The following AFAP1L2 variants were observed in gnomAD, a reference collection of about 807,000 sequenced individuals.
The protein encoded by AFAP1L2 is actin filament associated protein 1 like 2.
A neutral mutation model predicts 99.3 loss-of-function variants in AFAP1L2; 46 were observed. That is an observed-to-expected ratio of 0.46 (90% CI 0.37 to 0.59). The LOEUF (loss-of-function observed/expected upper bound fraction) is 0.59, where lower values mean the gene tolerates loss of function less well. AFAP1L2 is among the 20% of genes least tolerant of loss of function. The probability of loss-of-function intolerance (pLI) is 0.00; values close to 1 mark genes in which losing one functional copy is unlikely to be tolerated. For missense variants in AFAP1L2, 959 were observed against 1,034.9 expected (o/e 0.93, Z 1.01); for synonymous variants, 397 against 419.1 (o/e 0.95, Z 0.64).
chr10:114,301,606 A>G (rs2041209290), intron 12 of AFAP1L2, 141 bp from the exon 13 acceptor site: 3 of 643,590 alleles, frequency 4.7e-6, no homozygotes, highest in Non-Finnish European at 8.5e-6. Flanking sequence ...ACTCACCTCC[A>G]TGGATCTGAG....
intron 6 of AFAP1L2, among the ~76,000 whole-genome samples, chr10:114,314,634 G>T (rs1039377501): frequency 2.6e-5 from 4 of 152,166 alleles, no homozygotes; most frequent in African/African-American, 9.7e-5. Context: ...CACGGAGCAG[G>T]GCCTGTTGTA....
At chr10:114,359,281 T>C (rs2051860362) in intron 1 of AFAP1L2, among the ~76,000 whole-genome samples, 1 of 152,230 alleles carries the variant, frequency 6.6e-6, no homozygotes, top group Non-Finnish European at 1.5e-5. Flanking sequence ...ACCATAACAA[T>C]GTTATAATTG....
intron 4 of AFAP1L2, among the ~76,000 whole-genome samples, chr10:114,324,866 G>T: frequency 6.6e-6 from 1 of 152,202 alleles, no homozygotes; most frequent in Non-Finnish European, 1.5e-5. Context: ...CTCCTGCCAT[G>T]AAAAATGGAT....
At position 114,295,763 on chromosome 10, in the gene AFAP1L2, T is replaced by A; in HGVS notation, c.*279A>T. The A allele has an allele frequency of 8.5e-7, 1 of 1,171,928 alleles. No homozygotes were observed. Among genetic ancestry groups the A allele is most frequent in the Non-Finnish European group, 1.1e-6 (1 of 947,912 alleles). 72.6% of individuals were successfully genotyped at this position (1,171,928 alleles called of 1,614,324 possible). On this transcript the variant is annotated 3_prime_UTR_variant, in exon 19 of 19. Coordinates refer to ENST00000304129, the MANE Select transcript of AFAP1L2 (RefSeq NM_001001936.3). ...TCTTAGTAAAGCAATTGATGACAAC[T>A]TCAAAAAAGAAAGAAACACAGAACA... is the stretch of plus-strand genomic sequence containing the variant.
intron 1 of AFAP1L2, among the ~76,000 whole-genome samples, chr10:114,353,359 G>A (rs975244598): frequency 2.6e-5 from 4 of 152,174 alleles, no homozygotes; most frequent in African/African-American, 9.7e-5. Context: ...GTAATATGTG[G>A]CCAAAGCACC....
intron 3 of AFAP1L2, 112 bp from the exon 4 acceptor site, chr10:114,332,009 T>C: frequency 3.0e-6 from 2 of 659,432 alleles, no homozygotes; most frequent in Non-Finnish European, 4.4e-6. Context: ...TTTGAGCAGG[T>C]GTTAATTACC....
In AFAP1L2 at chr10:114,295,338, G is replaced by A. The variant is rs2040040270; in HGVS notation, c.*704C>T. On this transcript the variant is annotated 3_prime_UTR_variant, in exon 19 of 19. Transcript: ENST00000304129. ...AGCATTTTTTCCTATATATAATACA[G>A]CATCACTTAAAATTTTATTTAAAGA... 1 of 985,014 alleles carries A rather than the reference G, an allele frequency of 1.0e-6. No homozygotes were observed. The highest frequency in any genetic ancestry group is 6.2e-5 in the Admixed American group (1 of 16,250). 61.0% of individuals were successfully genotyped at this position (985,014 alleles called of 1,614,324 possible). A position where few individuals can be genotyped will look rare whatever the true frequency, so the allele number is the denominator to read the frequency against.
intron 2 of AFAP1L2, among the ~76,000 whole-genome samples, chr10:114,333,765 C>T (rs188516182): frequency 1.1e-4 from 16 of 152,146 alleles, no homozygotes; most frequent in South Asian, 2.1e-4. Context: ...GAGCTGAGAT[C>T]GCACCACTGC....
chr10:114,301,837 C>A (rs1484881794), intron 12 of AFAP1L2: 6 of 297,474 alleles, frequency 2.0e-5, no homozygotes, highest in Non-Finnish European at 3.2e-5. Flanking sequence ...GCAGGCCAGA[C>A]ACTATCCCCG....
chr10:114,325,409 G>A (rs962765788), intron 4 of AFAP1L2, among the ~76,000 whole-genome samples: 2 of 152,196 alleles, frequency 1.3e-5, no homozygotes, highest in Admixed American at 6.5e-5. Flanking sequence ...TCGGGGCATC[G>A]CAGAGGGTTG....
the AFAP1L2 span, chr10:114,284,964 A>G: frequency 1.3e-6 from 2 of 1,597,346 alleles, no homozygotes; most frequent in East Asian, 4.6e-5. Flanking sequence ...AGGGGAGGCT[A>G]ACTGTGGTAG....
Position 114,384,835 on chromosome 10 carries a change from G to A in AFAP1L2, c.16+19605C>T, listed in dbSNP as rs996376659. Among the ~76,000 whole-genome samples the A allele has an allele frequency of 2.0e-5, 3 of 152,214 alleles. No individual in the cohort carries two copies. The East Asian group carries it at 5.8e-4, about 29-fold the overall frequency. ...AGTGCGGGGCCCACACACTCAGTGG[G>A]GACTTCCAAAGGCTCCAGGCCTGGT... is the stretch of plus-strand genomic sequence containing the variant. On this transcript the variant is annotated intron_variant, in intron 1 of 18. Coordinates refer to ENST00000304129, the MANE Select transcript of AFAP1L2 (RefSeq NM_001001936.3).
intron 7 of AFAP1L2, among the ~76,000 whole-genome samples, chr10:114,313,085 G>A (rs12248421): frequency 0.081 from 12,285 of 151,330 alleles, 1,200 homozygotes; most frequent in African/African-American, 0.23. Flanking sequence ...TGGATAGAAC[G>A]CTTCTGGGCT....
chr10:114,349,534 A>G (rs1429043148), intron 1 of AFAP1L2, among the ~76,000 whole-genome samples: 1 of 147,462 alleles, frequency 6.8e-6, no homozygotes, highest in African/African-American at 2.5e-5. Flanking sequence ...CCTGGGCAAC[A>G]TAATGAGAGC....
intron 8 of AFAP1L2, among the ~76,000 whole-genome samples, 158 bp from the exon 9 acceptor site, chr10:114,308,675 G>A (rs2042777770): frequency 1.3e-5 from 2 of 152,246 alleles, no homozygotes; most frequent in African/African-American, 4.8e-5. Flanking sequence ...CCAGGTCACT[G>A]GTAGGACATT....
At chr10:114,391,763 C>T (rs752773969) in intron 1 of AFAP1L2, among the ~76,000 whole-genome samples, 1 of 152,176 alleles carries the variant, frequency 6.6e-6, no homozygotes, top group Non-Finnish European at 1.5e-5. Flanking sequence ...TACCAGGCAG[C>T]CCTGAAGCAT....
chr10:114,376,618 A>G (rs1331072777), intron 1 of AFAP1L2, among the ~76,000 whole-genome samples: 1 of 152,242 alleles, frequency 6.6e-6, no homozygotes, highest in East Asian at 1.9e-4. Context: ...CACTTGGAGG[A>G]GAATTCCAGC....
In AFAP1L2 at chr10:114,384,895, T is replaced by C. The variant is rs145682499; in HGVS notation, c.16+19545A>G. On this transcript the variant is annotated intron_variant, in intron 1 of 18. Coordinates refer to ENST00000304129, the MANE Select transcript of AFAP1L2 (RefSeq NM_001001936.3). Reference sequence around the variant, plus strand: ...CAGATGGGAAACTCAACAGAACCTCTTGGGAATGATCAGGAACAAAGCAGA... The same window carrying C: ...CAGATGGGAAACTCAACAGAACCTCCTGGGAATGATCAGGAACAAAGCAGA... Among the ~76,000 whole-genome samples the C allele has an allele frequency of 2.6e-5, 4 of 152,284 alleles. No homozygotes were observed. In the East Asian group the frequency reaches 5.8e-4, roughly 22 times the overall value.
At chr10:114,310,316 G>A (rs2043030999) in intron 8 of AFAP1L2, 38 bp downstream of exon 8, 23 of 1,564,128 alleles carry the variant, frequency 1.5e-5, no homozygotes, top group Non-Finnish European at 1.8e-5. Context: ...GAGAAAACAT[G>A]GAAGGGGACT....
Sources: gnomAD v4.1 joint callset for allele counts (sites outside exome capture counted in the v4.1 genomes callset) on GRCh38, gnomAD v4.1.1 for gene constraint, MANE v1.5 for transcripts, NCBI Gene and HGNC (gene_info 2026-07-23, HGNC 2026-07-21) for gene names.